The following SNX15 variants were observed in gnomAD, a reference collection of about 807,000 sequenced individuals.
SNX15 encodes the protein sorting nexin-15.
A neutral mutation model predicts 35.2 loss-of-function variants in SNX15; 29 were observed. The ratio of observed to expected loss-of-function variants is 0.82; its 90% CI spans 0.61 to 1.12. SNX15 has a LOEUF of 1.12. Ranked by LOEUF, SNX15 falls within the 50% of genes most tolerant of loss-of-function variation. The pLI is 0.00. For synonymous variants in SNX15, 189 were observed against 188.2 expected (o/e 1.00, Z -0.03); for missense variants, 400 against 451.5 (o/e 0.89, Z 1.03).
chr11:65,031,935 A>G (rs1461601576), intron 1 of SNX15, among the ~76,000 whole-genome samples: 1 of 152,186 alleles, frequency 6.6e-6, no homozygotes, highest in Non-Finnish European at 1.5e-5. Flanking sequence ...AGCAGTCCAA[A>G]TGGGCCTTTA....
Position 65,035,116 on chromosome 11 carries a change from C to T in SNX15, c.430C>T (p.Pro144Ser). 1.2e-6 allele frequency: 2 copies of T among 1,609,630 alleles called. No homozygotes were observed. Among genetic ancestry groups the T allele is most frequent in the Non-Finnish European group, 1.7e-6 (2 of 1,178,434 alleles). ...VSRDLHILPP[P>S]LIPTPPPDDP... ...CAGGGACCTACACATCCTGCCACCCCCTCTGATCCCCACCCCGCCCCCTGA... is the reference window on the plus strand; with the variant it reads ...CAGGGACCTACACATCCTGCCACCCTCTCTGATCCCCACCCCGCCCCCTGA... Residue 144 changes from proline to serine, a missense_variant, in exon 5 of 8, where the codon CCT becomes TCT. Pro to Ser is a moderately conservative substitution (Grantham distance 74, BLOSUM62 -1). Coordinates refer to ENST00000377244, the MANE Select transcript of SNX15 (RefSeq NM_013306.5).
chr11:65,034,840 G>C lies in SNX15; in HGVS notation c.257-7G>C, dbSNP rs755205463. On this transcript the variant is annotated splice_polypyrimidine_tract_variant and splice_region_variant and intron_variant, in intron 3 of 7. Coordinates refer to ENST00000377244, the MANE Select transcript of SNX15 (RefSeq NM_013306.5). ...CTCTCCCCTGTTCCTTGTCCTGGGG[G>C]CCGTAGGCCGGTTTGAAGCCTCAGT... 13 of 1,611,468 alleles carry C rather than the reference G, an allele frequency of 8.1e-6. No homozygotes were observed. The highest frequency in any genetic ancestry group is 1.0e-5 in the Non-Finnish European group (12 of 1,178,006).
At chr11:65,037,696 C>T (rs145644706) in intron 6 of SNX15, 1,601 of 152,352 alleles carry the variant, frequency 0.011, 17 homozygotes, top group Non-Finnish European at 0.015. Flanking sequence ...AAGGAGTGGG[C>T]ACCTGTGTCT....
chr11:65,039,730 G>A lies in SNX15; in HGVS notation c.967G>A (p.Ala323Thr), dbSNP rs774007849. The A allele has an allele frequency of 3.1e-6, 5 of 1,613,824 alleles. No homozygotes were observed. The highest frequency in any genetic ancestry group is 2.7e-5 in the African/African-American group (2 of 75,042). Residue 323 changes from alanine (A) to threonine (T), a missense_variant, in exon 8 of 8, where the codon GCT (alanine) becomes ACT (threonine). Ala to Thr is a moderately conservative substitution (Grantham distance 58, BLOSUM62 0). Coordinates refer to ENST00000377244, the MANE Select transcript of SNX15 (RefSeq NM_013306.5). ...CCAGGAAGGTGTGAAGAAGAAGGCA[G>A]CTGAGTACCTGAAGCGGGCAGAGGA... Reference protein sequence around the residue: ...ARQEGVKKKAAEYLKRAEEIL... With the variant: ...ARQEGVKKKATEYLKRAEEIL...
At chr11:65,032,093 C>T in intron 1 of SNX15, 75 bp from the exon 2 acceptor site, 1 of 1,471,426 alleles carries the variant, frequency 6.8e-7, no homozygotes, top group Non-Finnish European at 9.5e-7. Flanking sequence ...CTAGGAGGCA[C>T]CTGGGGCATT....
intron 1 of SNX15, among the ~76,000 whole-genome samples, chr11:65,029,921 C>CT (rs1946422286): frequency 1.3e-5 from 2 of 152,104 alleles, no homozygotes; most frequent in Admixed American, 6.6e-5. Context: ...GGGTCTTGCT[C>CT]TGTCACCCAC....
At chr11:65,035,321 C>G in intron 5 of SNX15, 115 bp downstream of exon 5, 1 of 1,279,356 alleles carries the variant, frequency 7.8e-7, no homozygotes, top group South Asian at 1.5e-5. Context: ...AGGTCTATCA[C>G]TTAACTGGCT....
chr11:65,039,006 G>C (rs1946536596), intron 7 of SNX15, among the ~76,000 whole-genome samples, 177 bp downstream of exon 7: 1 of 126,288 alleles, frequency 7.9e-6, no homozygotes, highest in African/African-American at 2.8e-5. Flanking sequence ...TTAACCTCTT[G>C]TGGCCTCAGT....
In SNX15 at chr11:65,038,625, G is replaced by C; in HGVS notation, c.718G>C (p.Glu240Gln). 1 of 1,607,148 alleles carries C rather than the reference G, an allele frequency of 6.2e-7. No homozygotes were observed. Among genetic ancestry groups the C allele is most frequent in the South Asian group, 1.1e-5 (1 of 90,326 alleles). Residue 240 changes from glutamate (E) to glutamine (Q), a missense_variant, in exon 7 of 8, where the codon GAG becomes CAG. By Grantham distance (29) the Glu-to-Gln change is conservative. Coordinates refer to ENST00000377244, the MANE Select transcript of SNX15 (RefSeq NM_013306.5). ...GGCTGAGCTGGCAACGATGGAGGTG[G>C]AGTCTGCAAGGCTGGACCAGGAACC... Reference protein sequence around the residue: ...HVAELATMEVESARLDQEPWE... With the variant: ...HVAELATMEVQSARLDQEPWE...
In SNX15 at chr11:65,039,881, G is replaced by T. The variant is rs1946560973; in HGVS notation, c.*89G>T. ...GGGCCTGGCCCTACCTCCTGGTCTT[G>T]TAATTACAGGAGCCATTTCTGTAGG... On this transcript the variant is annotated 3_prime_UTR_variant, in exon 8 of 8. Coordinates refer to ENST00000377244, the MANE Select transcript of SNX15 (RefSeq NM_013306.5). 3.8e-6 allele frequency: 3 copies of T among 780,862 alleles called. No homozygotes were observed. The highest frequency in any genetic ancestry group is 2.7e-4 in the Middle Eastern group (1 of 3,736). 48.4% of individuals were successfully genotyped at this position (780,862 alleles called of 1,614,324 possible). A position where few individuals can be genotyped will look rare whatever the true frequency, so the allele number is the denominator to read the frequency against.
At position 65,029,927 on chromosome 11, in the gene SNX15, C is replaced by G. The variant is rs185556100; in HGVS notation, c.100-2241C>G. ...TTTGCGACGGGGTCTTGCTCTGTCACCCACGCTGGTGTGCAGTGGCATGAT... is the reference window on the plus strand; with the variant it reads ...TTTGCGACGGGGTCTTGCTCTGTCAGCCACGCTGGTGTGCAGTGGCATGAT... On this transcript the variant is annotated intron_variant, in intron 1 of 7. Transcript: ENST00000377244. 6.6e-4 allele frequency among the ~76,000 whole-genome samples: 100 copies of G among 152,146 alleles called. 2 individuals carry two copies. The East Asian group carries it at 0.016, about 24-fold the overall frequency.
In SNX15 at chr11:65,039,677, T is replaced by C. The variant is rs1946556156; in HGVS notation, c.923-9T>C. ...CCAGGTGCCTCAGCTGAGCATTCTC[T>C]CTCCACAGGTGACCCGTTGCCTGCC... On this transcript the variant is annotated splice_polypyrimidine_tract_variant and intron_variant, in intron 7 of 7. Coordinates refer to ENST00000377244, the MANE Select transcript of SNX15 (RefSeq NM_013306.5). 1 of 1,606,042 alleles carries C rather than the reference T, an allele frequency of 6.2e-7. No homozygotes were observed. Among genetic ancestry groups the C allele is most frequent in the African/African-American group, 1.3e-5 (1 of 74,740 alleles).
chr11:65,032,598 G>A (rs758140256), intron 3 of SNX15, 47 bp downstream of exon 3: 13 of 1,611,466 alleles, frequency 8.1e-6, no homozygotes, highest in Non-Finnish European at 2.5e-6. Flanking sequence ...AGGGAGCATT[G>A]GGCAAAAGGG....
intron 3 of SNX15, among the ~76,000 whole-genome samples, chr11:65,034,055 G>A (rs566763659): frequency 5.3e-5 from 8 of 152,224 alleles, no homozygotes; most frequent in Admixed American, 2.6e-4. Context: ...GTCAGGTTAT[G>A]CCAGGCCAGT....
At chr11:65,035,785 G>C in intron 6 of SNX15, 122 bp downstream of exon 6, 1 of 1,017,790 alleles carries the variant, frequency 9.8e-7, no homozygotes, top group Non-Finnish European at 1.4e-6. Flanking sequence ...CTCCTCAGCA[G>C]TGCTGCCCTG....
At chr11:65,039,600 C>T (rs1373457048) in intron 7 of SNX15, 86 bp from the exon 8 acceptor site, 4 of 744,568 alleles carry the variant, frequency 5.4e-6, no homozygotes, top group Middle Eastern at 2.3e-4. Context: ...CATGGTGATG[C>T]TCTGCGAATT....
chr11:65,038,960 C>T, intron 7 of SNX15, 131 bp downstream of exon 7: 1 of 601,332 alleles, frequency 1.7e-6, no homozygotes, highest in Non-Finnish European at 2.5e-6. Flanking sequence ...GTAACCTGGG[C>T]AGATTTTTGT....
At chr11:65,029,163 G>GTT (rs1361442189) in intron 1 of SNX15, among the ~76,000 whole-genome samples, 1 of 151,646 alleles carries the variant, frequency 6.6e-6, no homozygotes, top group Non-Finnish European at 1.5e-5. Flanking sequence ...TTGTGTCGTT[G>GTT]TTTTGTTTTG....
chr11:65,030,550 G>C, intron 1 of SNX15, among the ~76,000 whole-genome samples: 1 of 147,416 alleles, frequency 6.8e-6, no homozygotes, highest in Non-Finnish European at 1.5e-5. Context: ...CCAGGCTGGA[G>C]TGCAGTGGCA....
Sources: allele counts gnomAD v4.1 joint callset (sites outside exome capture counted in the v4.1 genomes callset), GRCh38; gene constraint gnomAD v4.1.1; transcripts MANE v1.5; gene names NCBI Gene and HGNC (gene_info 2026-07-23, HGNC 2026-07-21).